Variants in SLC2A13 observed in about 807,000 individuals in gnomAD.
SLC2A13 encodes the protein solute carrier family 2 member 13, also known as proton myo-inositol cotransporter.
SLC2A13 carries 32 observed loss-of-function variants against 64.4 expected under a neutral mutation model. That is an observed-to-expected ratio of 0.50 (90% CI 0.37 to 0.67). SLC2A13 has a LOEUF of 0.67. SLC2A13 is among the 30% of genes least tolerant of loss of function. The probability of loss-of-function intolerance (pLI) is 0.00; values close to 1 mark genes in which losing one functional copy is unlikely to be tolerated. For missense variants in SLC2A13, 743 were observed against 829.2 expected (o/e 0.90, Z 1.28); for synonymous variants, 338 against 327.1 (o/e 1.03, Z -0.36).
chr12:39,817,703 A>G (rs951434711), intron 7 of SLC2A13, among the ~76,000 whole-genome samples: 3 of 152,246 alleles, frequency 2.0e-5, no homozygotes, highest in South Asian at 2.1e-4. Context: ...TACTTTATAT[A>G]TATTTTAAAA....
At chr12:40,046,002 G>A (rs1000777175) in intron 2 of SLC2A13, among the ~76,000 whole-genome samples, 5 of 152,082 alleles carry the variant, frequency 3.3e-5, no homozygotes, top group African/African-American at 1.2e-4. Context: ...TTACAACATC[G>A]ATAGTAGCAT....
rs1246071745 is a variant in SLC2A13 at position 39,864,795 on chromosome 12, G to A, written c.1286C>T (p.Pro429Leu). The A allele has an allele frequency of 2.5e-6, 4 of 1,613,876 alleles. No homozygotes were observed. The highest frequency in any genetic ancestry group is 3.4e-6 in the Non-Finnish European group (4 of 1,179,946). The change falls in exon 6 of 10, where the codon CCG (proline) becomes CTG (leucine). Residue 429 changes from proline (P) to leucine (L), a missense_variant. Pro to Leu is a moderately conservative substitution (Grantham distance 98). Transcript: ENST00000280871. ...TGTGCAAGTGGCGTTCTGACCTGACGGAGCTATTGGCTTAAAAGTGATGCG... is the reference window on the plus strand; with the variant it reads ...TGTGCAAGTGGCGTTCTGACCTGACAGAGCTATTGGCTTAAAAGTGATGCG... ...SPRITFKPIAPSGQNATCTRY... is the reference protein window; with the variant it reads ...SPRITFKPIALSGQNATCTRY...
In SLC2A13 at chr12:39,760,291, T is replaced by G. The variant is rs369970252; in HGVS notation, c.1721-39A>C. The G allele has an allele frequency of 2.6e-6, 4 of 1,540,508 alleles. No individual in the cohort carries two copies. The African/African-American group carries it at 4.2e-5, about 16-fold the overall frequency. ...TAATAGATACATGAATATGAATATA[T>G]AGAGAGAGGCTTAAGTTGGAAAGAT... On this transcript the variant is annotated intron_variant, in intron 9 of 9. Coordinates refer to ENST00000280871, the MANE Select transcript of SLC2A13 (RefSeq NM_052885.4).
At chr12:39,804,703 C>T (rs147018227) in intron 7 of SLC2A13, among the ~76,000 whole-genome samples, 12 of 152,178 alleles carry the variant, frequency 7.9e-5, no homozygotes, top group Non-Finnish European at 1.6e-4. Context: ...CGTCTGTCCT[C>T]TCAGAGGACA....
intron 3 of SLC2A13, among the ~76,000 whole-genome samples, chr12:39,971,995 A>T (rs191195597): frequency 0.32 from 14,904 of 46,930 alleles, 1,167 homozygotes; most frequent in South Asian, 0.45. Flanking sequence ...AAAAAAAAAA[A>T]AAATATATAT....
intron 3 of SLC2A13, among the ~76,000 whole-genome samples, chr12:39,960,744 CT>C (rs71434303): frequency 0.14 from 14,802 of 108,470 alleles, 721 homozygotes; most frequent in South Asian, 0.23. Flanking sequence ...CTGTCTCATT[CT>C]TTTTTTTTTT....
rs1432162757 is a variant in SLC2A13, at chr12:39,755,155, A to G, written c.*4871T>C. ...CAATAAAATAACTTAAAAAACATTT[A>G]CATGTATATCACTAAATCTCCATAA... On this transcript the variant is annotated 3_prime_UTR_variant, in exon 10 of 10. Coordinates refer to ENST00000280871, the MANE Select transcript of SLC2A13 (RefSeq NM_052885.4). 5 of 152,108 alleles carry G rather than the reference A, an allele frequency of 3.3e-5. No homozygotes were observed. The highest frequency in any genetic ancestry group is 7.4e-5 in the Non-Finnish European group (5 of 67,930). 9.4% of individuals were successfully genotyped at this position (152,108 alleles called of 1,614,324 possible). A position where few individuals can be genotyped will look rare whatever the true frequency, so the allele number is the denominator to read the frequency against.
chr12:39,899,061 A>G (rs1046965537), intron 4 of SLC2A13, among the ~76,000 whole-genome samples: 1 of 152,114 alleles, frequency 6.6e-6, no homozygotes, highest in Non-Finnish European at 1.5e-5. Context: ...GAATGGTACC[A>G]GTTCCTCCTT....
At position 39,893,542 on chromosome 12, in the gene SLC2A13, T is replaced by G. The variant is rs1011138747; in HGVS notation, c.1035-21581A>C. Among the ~76,000 whole-genome samples the G allele has an allele frequency of 6.6e-5, 10 of 152,322 alleles. No homozygotes were observed. In the East Asian group the frequency reaches 1.9e-3, roughly 29 times the overall value. On this transcript the variant is annotated intron_variant, in intron 4 of 9. Transcript: ENST00000280871. Reference sequence around the variant, plus strand: ...CTCAAACTCCTGACCTCAGGTGATCTGCCCGCCTTGGTCTCCCAAAGTGCT... The same window carrying G: ...CTCAAACTCCTGACCTCAGGTGATCGGCCCGCCTTGGTCTCCCAAAGTGCT...
At chr12:40,013,921 C>T (rs1284982146) in intron 3 of SLC2A13, among the ~76,000 whole-genome samples, 1 of 152,098 alleles carries the variant, frequency 6.6e-6, no homozygotes, top group East Asian at 1.9e-4. Context: ...CATACTAAAA[C>T]GAAGCCACAT....
intron 3 of SLC2A13, among the ~76,000 whole-genome samples, chr12:39,954,713 T>G (rs1252889617): frequency 1.3e-5 from 2 of 152,110 alleles, no homozygotes; most frequent in African/African-American, 4.8e-5. Flanking sequence ...AGATAAAATT[T>G]TATAATGTGG....
chr12:39,800,190 A>T (rs1941736558), intron 7 of SLC2A13, among the ~76,000 whole-genome samples: 1 of 152,182 alleles, frequency 6.6e-6, no homozygotes, highest in Non-Finnish European at 1.5e-5. Context: ...GCAGAAAGGT[A>T]ATTGGTGCTG....
intron 1 of SLC2A13, among the ~76,000 whole-genome samples, chr12:40,091,778 C>T (rs1324392283): frequency 6.6e-6 from 1 of 152,154 alleles, no homozygotes; most frequent in African/African-American, 2.4e-5. Context: ...TGGTTTTGTT[C>T]ACCAATCCAA....
At chr12:40,039,130 C>T (rs1190790003) in intron 2 of SLC2A13, among the ~76,000 whole-genome samples, 2 of 152,202 alleles carry the variant, frequency 1.3e-5, no homozygotes. Context: ...AGATAAACTA[C>T]ACATTTTGTA....
chr12:39,985,625 A>G (rs918787690), intron 3 of SLC2A13, among the ~76,000 whole-genome samples: 4 of 152,164 alleles, frequency 2.6e-5, no homozygotes, highest in African/African-American at 9.7e-5. Context: ...GCATAAAACA[A>G]TGTACTGATA....
chr12:39,894,838 G>A (rs1039156691), intron 4 of SLC2A13, among the ~76,000 whole-genome samples: 3 of 151,788 alleles, frequency 2.0e-5, no homozygotes, highest in Non-Finnish European at 4.4e-5. Flanking sequence ...GGGAAAGAAA[G>A]CAAAAAGTCA....
chr12:39,783,216 C>T (rs1266227320), intron 7 of SLC2A13, among the ~76,000 whole-genome samples: 1 of 152,182 alleles, frequency 6.6e-6, no homozygotes, highest in African/African-American at 2.4e-5. Context: ...TTTTTTATAG[C>T]TGCATAGTAT....
chr12:40,023,668 TG>T (rs1466424648), intron 3 of SLC2A13, among the ~76,000 whole-genome samples: 2 of 152,236 alleles, frequency 1.3e-5, no homozygotes, highest in African/African-American at 4.8e-5. Flanking sequence ...GCCTTCTATA[TG>T]CCCAGTAATC....
intron 7 of SLC2A13, among the ~76,000 whole-genome samples, chr12:39,773,469 C>A (rs936960070): frequency 1.3e-5 from 2 of 152,180 alleles, no homozygotes; most frequent in African/African-American, 2.4e-5. Context: ...TGCTCCCCTG[C>A]CCACTCAACA....
Sources: allele counts gnomAD v4.1 joint callset (sites outside exome capture counted in the v4.1 genomes callset), GRCh38; gene constraint gnomAD v4.1.1; transcripts MANE v1.5; gene names NCBI Gene and HGNC (gene_info 2026-07-23, HGNC 2026-07-21).